Variants in CFAP210 observed in about 807,000 individuals in gnomAD.
CFAP210 encodes cilia and flagella associated protein 210.
the CFAP210 span, among the ~76,000 whole-genome samples, chr2:169,666,468 G>C: frequency 6.6e-6 from 1 of 150,680 alleles, no homozygotes; most frequent in Non-Finnish European, 1.5e-5. Context: ...ATAAAGTATA[G>C]TCACTCAAGC....
the CFAP210 span, among the ~76,000 whole-genome samples, chr2:169,664,207 A>T: frequency 0.05 from 7,543 of 152,194 alleles, 256 homozygotes; most frequent in Non-Finnish European, 0.077. Flanking sequence ...AAAACAAAAA[A>T]AAAGATTTGA....
the CFAP210 span, among the ~76,000 whole-genome samples, chr2:169,655,624 C>T: frequency 6.6e-6 from 1 of 152,150 alleles, no homozygotes; most frequent in Non-Finnish European, 1.5e-5. Flanking sequence ...ATTTGATTAA[C>T]ACAGAGTTAA....
the CFAP210 span, chr2:169,649,468 A>G: frequency 1.2e-6 from 1 of 813,698 alleles, no homozygotes; most frequent in Non-Finnish European, 1.9e-6. Flanking sequence ...GCAGGAGCAG[A>G]AAAGTGCATG....
the CFAP210 span, among the ~76,000 whole-genome samples, chr2:169,693,051 G>T: frequency 1.3e-5 from 2 of 152,312 alleles, no homozygotes; most frequent in Admixed American, 6.5e-5. Context: ...CGATATTGAT[G>T]ATTTTTGCCA....
the CFAP210 span, chr2:169,650,508 G>C: frequency 1.9e-6 from 3 of 1,567,814 alleles, no homozygotes; most frequent in Non-Finnish European, 1.7e-6. Context: ...CTTTCTCTTC[G>C]TTTCTCCATA....
At chr2:169,653,845 T>A in the CFAP210 span, among the ~76,000 whole-genome samples, 4 of 152,286 alleles carry the variant, frequency 2.6e-5, no homozygotes, top group Admixed American at 2.0e-4. Context: ...TATATACCAA[T>A]GACTCACAAA....
the CFAP210 span, among the ~76,000 whole-genome samples, chr2:169,687,169 T>C: frequency 6.6e-6 from 1 of 152,166 alleles, no homozygotes; most frequent in Non-Finnish European, 1.5e-5. Context: ...TTCTGGGAGA[T>C]ACAATTCAAG....
the CFAP210 span, among the ~76,000 whole-genome samples, chr2:169,678,581 T>G: frequency 6.6e-6 from 1 of 152,096 alleles, no homozygotes; most frequent in Non-Finnish European, 1.5e-5. Context: ...TCCCGGCACT[T>G]TGGGAGGCCA....
At chr2:169,692,991 T>C in the CFAP210 span, among the ~76,000 whole-genome samples, 1 of 152,214 alleles carries the variant, frequency 6.6e-6, no homozygotes, top group Non-Finnish European at 1.5e-5. Flanking sequence ...TAGTAAACAC[T>C]CTACAAATTG....
chr2:169,645,576 T>A, the CFAP210 span: 2 of 329,032 alleles, frequency 6.1e-6, no homozygotes, highest in Non-Finnish European at 1.1e-5. Flanking sequence ...AACTACACAA[T>A]GGTCATGGCT....
the CFAP210 span, chr2:169,645,802 C>G: frequency 7.5e-7 from 1 of 1,331,238 alleles, no homozygotes. Flanking sequence ...CTCATATATG[C>G]TACAACTTAG....
the CFAP210 span, among the ~76,000 whole-genome samples, chr2:169,683,818 A>C: frequency 5.4e-4 from 83 of 152,300 alleles, no homozygotes; most frequent in Non-Finnish European, 9.0e-4. Context: ...ACACAGGAAC[A>C]AACAAAGAGA....
the CFAP210 span, among the ~76,000 whole-genome samples, chr2:169,667,423 G>A: frequency 1.4e-4 from 21 of 152,174 alleles, no homozygotes; most frequent in Non-Finnish European, 2.4e-4. Flanking sequence ...ACAGGCATGA[G>A]CCACTGTGCC....
chr2:169,662,469 A>G, the CFAP210 span: 4 of 1,525,458 alleles, frequency 2.6e-6, no homozygotes, highest in Admixed American at 6.9e-5. Context: ...ATTGAGAACA[A>G]AGCAGAAAAA....
the CFAP210 span, among the ~76,000 whole-genome samples, chr2:169,660,194 C>G: frequency 1.3e-5 from 2 of 151,980 alleles, no homozygotes; most frequent in African/African-American, 4.8e-5. Context: ...CAAGACCAGC[C>G]TGGCCAACAT....
the CFAP210 span, among the ~76,000 whole-genome samples, chr2:169,673,607 G>A: frequency 7.0e-6 from 1 of 143,882 alleles, no homozygotes; most frequent in African/African-American, 2.5e-5. Flanking sequence ...TGACATACAG[G>A]TATGTGAAAA....
At chr2:169,659,802 CTTT>C in the CFAP210 span, among the ~76,000 whole-genome samples, 22 of 152,264 alleles carry the variant, frequency 1.4e-4, no homozygotes, top group South Asian at 4.1e-4. Context: ...TACTGGAAGA[CTTT>C]TTATTATGGC....
At chr2:169,674,380 T>C in the CFAP210 span, among the ~76,000 whole-genome samples, 1 of 152,196 alleles carries the variant, frequency 6.6e-6, no homozygotes, top group African/African-American at 2.4e-5. Flanking sequence ...TGGTTGTGTA[T>C]TATGTTGCAT....
chr2:169,681,334 T>G, the CFAP210 span: 219 of 866,034 alleles, frequency 2.5e-4, no homozygotes, highest in Admixed American at 3.6e-4. Context: ...GGAAATTATT[T>G]CAAATACTTA....
Sources: gnomAD v4.1 joint callset for allele counts (sites outside exome capture counted in the v4.1 genomes callset) on GRCh38, gnomAD v4.1.1 for gene constraint, MANE v1.5 for transcripts, NCBI Gene and HGNC (gene_info 2026-07-23, HGNC 2026-07-21) for gene names.